Variants in CNGB3 observed in about 807,000 individuals in gnomAD.
CNGB3 encodes the protein cyclic nucleotide-gated channel beta-3.
A neutral mutation model predicts 92.8 loss-of-function variants in CNGB3; 86 were observed. The ratio of observed to expected loss-of-function variants is 0.93; its 90% CI spans 0.78 to 1.11. CNGB3 has a LOEUF of 1.11. Ranked by LOEUF, CNGB3 falls within the 50% of genes least tolerant of loss-of-function variation. The pLI is 0.00. For missense variants in CNGB3, 1,026 were observed against 956.8 expected (o/e 1.07, Z -0.95); for synonymous variants, 333 against 332.7 (o/e 1.00, Z -0.01).
At chr8:86,701,975 T>C (rs1464516761) in intron 3 of CNGB3, among the ~76,000 whole-genome samples, 1 of 152,226 alleles carries the variant, frequency 6.6e-6, no homozygotes, top group Non-Finnish European at 1.5e-5. Flanking sequence ...TCTTTAAGTC[T>C]TTGTTTTATT....
intron 10 of CNGB3, among the ~76,000 whole-genome samples, chr8:86,635,849 TATATATATATATATACAC>T (rs1287886633): frequency 1.7e-4 from 13 of 74,676 alleles, no homozygotes; most frequent in South Asian, 4.4e-4. Flanking sequence ...TATATATATA[TATATATATATATATACAC>T]ATACACATAT....
intron 1 of CNGB3, among the ~76,000 whole-genome samples, chr8:86,741,874 G>T (rs13257881): frequency 1.3e-5 from 2 of 151,826 alleles, no homozygotes; most frequent in African/African-American, 4.8e-5. Context: ...TCTAATTTCC[G>T]TTTATCCTGC....
At chr8:86,667,899 C>T (rs1823775345) in intron 5 of CNGB3, 120 bp downstream of exon 5, 2 of 1,104,880 alleles carry the variant, frequency 1.8e-6, no homozygotes, top group East Asian at 4.7e-5. Context: ...TTAAATTCTG[C>T]TTCCTAGTTA....
chr8:86,611,417 C>T (rs1051690471), intron 14 of CNGB3, among the ~76,000 whole-genome samples, 171 bp downstream of exon 14: 1 of 152,112 alleles, frequency 6.6e-6, no homozygotes, highest in South Asian at 2.1e-4. Context: ...TGTCTTGTTC[C>T]TTTGTGAACT....
At chr8:86,608,265 G>A (rs943890289) in intron 14 of CNGB3, among the ~76,000 whole-genome samples, 2 of 152,172 alleles carry the variant, frequency 1.3e-5, no homozygotes, top group African/African-American at 4.8e-5. Context: ...TAGGAGCTGA[G>A]GGGACACAGT....
intron 15 of CNGB3, among the ~76,000 whole-genome samples, chr8:86,592,494 T>G (rs1444134615): frequency 6.6e-6 from 1 of 152,214 alleles, no homozygotes; most frequent in African/African-American, 2.4e-5. Context: ...CCATTTTGAC[T>G]GATGAAGAAA....
chr8:86,661,523 A>T, intron 6 of CNGB3: 1 of 671,014 alleles, frequency 1.5e-6, no homozygotes. Context: ...CATCACATTT[A>T]AATGGCCTTG....
chr8:86,740,530 G>T (rs891196903), intron 1 of CNGB3, among the ~76,000 whole-genome samples: 10 of 152,292 alleles, frequency 6.6e-5, no homozygotes, highest in South Asian at 4.1e-4. Context: ...AAAAGCCAAA[G>T]GCGTGACTGT....
chr8:86,600,986 A>T (rs1249286950), intron 15 of CNGB3, among the ~76,000 whole-genome samples: 1 of 151,862 alleles, frequency 6.6e-6, no homozygotes, highest in African/African-American at 2.4e-5. Context: ...TGAACAAATT[A>T]ATTATAAATC....
intron 7 of CNGB3, among the ~76,000 whole-genome samples, chr8:86,652,478 A>G (rs893169163): frequency 2.0e-5 from 3 of 151,990 alleles, no homozygotes; most frequent in African/African-American, 4.8e-5. Context: ...AAACTTTTTT[A>G]CTCTTTTGTA....
chr8:86,629,775 G>T (rs1822924564), intron 11 of CNGB3, among the ~76,000 whole-genome samples: 1 of 152,084 alleles, frequency 6.6e-6, no homozygotes, highest in African/African-American at 2.4e-5. Context: ...TTTAGTTCTT[G>T]GATGTTTATA....
chr8:86,621,540 T>G (rs774376120), intron 13 of CNGB3, among the ~76,000 whole-genome samples: 1 of 152,140 alleles, frequency 6.6e-6, no homozygotes, highest in Non-Finnish European at 1.5e-5. Flanking sequence ...CGTTCTTTAG[T>G]GGTGATTTCT....
chr8:86,663,098 G>A (rs937948749), intron 6 of CNGB3, among the ~76,000 whole-genome samples: 1 of 152,178 alleles, frequency 6.6e-6, no homozygotes, highest in Non-Finnish European at 1.5e-5. Context: ...TATGAGTAAA[G>A]TGTAGGAAAC....
chr8:86,615,909 A>G (rs1022201468), intron 13 of CNGB3, among the ~76,000 whole-genome samples: 20 of 152,208 alleles, frequency 1.3e-4, no homozygotes, highest in African/African-American at 4.6e-4. Context: ...ATTTTTATTA[A>G]TTTTAAATTT....
At chr8:86,701,935 G>A (rs774581458) in intron 3 of CNGB3, among the ~76,000 whole-genome samples, 6 of 152,032 alleles carry the variant, frequency 3.9e-5, no homozygotes, top group Non-Finnish European at 8.8e-5. Flanking sequence ...ACTATTCAAA[G>A]GAAGTTATTA....
Position 86,668,119 on chromosome 8 carries a change from T to C in CNGB3, c.543A>G (p.Thr181=). Residue 181 remains threonine (T), a synonymous_variant, in exon 5 of 18, where the codon ACA becomes ACG. Coordinates refer to ENST00000320005, the MANE Select transcript of CNGB3 (RefSeq NM_019098.5). ...PPVKESDDKP[T]EHYYRLLWFK... is the part of the protein sequence containing the mutation. ...ACCACAACAGCCTGTAGTAATGTTC[T>C]GTTGGCTTATCATCGCTTTCTTTTA... 6.2e-7 allele frequency: 1 copy of C among 1,614,104 alleles called. No homozygotes were observed. The highest frequency in any genetic ancestry group is 8.5e-7 in the Non-Finnish European group (1 of 1,180,012).
intron 12 of CNGB3, among the ~76,000 whole-genome samples, chr8:86,626,836 CT>C (rs1033985609): frequency 2.0e-5 from 3 of 148,876 alleles, no homozygotes; most frequent in East Asian, 2.0e-4. Context: ...ATTGCCTATT[CT>C]TTTTTTTTTC....
intron 3 of CNGB3, among the ~76,000 whole-genome samples, chr8:86,694,759 G>A (rs1262844905): frequency 7.3e-5 from 11 of 151,532 alleles, no homozygotes; most frequent in Admixed American, 2.0e-4. Flanking sequence ...GGGAAGAGGC[G>A]CTCCTCACTT....
At chr8:86,658,089 G>A (rs1823551322) in intron 6 of CNGB3, 1 of 525,010 alleles carries the variant, frequency 1.9e-6, no homozygotes, top group Non-Finnish European at 3.6e-6. Context: ...GCAGGGCCGG[G>A]TGGGCCTCCC....
Sources: gnomAD v4.1 joint callset for allele counts (sites outside exome capture counted in the v4.1 genomes callset) on GRCh38, gnomAD v4.1.1 for gene constraint, MANE v1.5 for transcripts, NCBI Gene and HGNC (gene_info 2026-07-23, HGNC 2026-07-21) for gene names.